The following ALDH18A1 variants were observed in gnomAD, a reference collection of about 807,000 sequenced individuals.
ALDH18A1 encodes delta-1-pyrroline-5-carboxylate synthase.
A neutral mutation model predicts 88.8 loss-of-function variants in ALDH18A1; 44 were observed. That is an observed-to-expected ratio of 0.50 (90% CI 0.39 to 0.64). ALDH18A1 has a LOEUF of 0.64. Ranked by LOEUF, ALDH18A1 falls within the 30% of genes least tolerant of loss-of-function variation. ALDH18A1 has a pLI of 0.00. For synonymous variants in ALDH18A1, 331 were observed against 372.1 expected (o/e 0.89, Z 1.27); for missense variants, 782 against 1,009.5 (o/e 0.77, Z 3.05).
At chr10:95,635,818 G>C (rs1293446260) in intron 5 of ALDH18A1, among the ~76,000 whole-genome samples, 2 of 152,024 alleles carry the variant, frequency 1.3e-5, no homozygotes, top group South Asian at 2.1e-4. Context: ...ACTCTCAAAA[G>C]GTTTCATCCC....
chr10:95,611,193 G>A, intron 16 of ALDH18A1, 63 bp downstream of exon 16: 1 of 1,598,176 alleles, frequency 6.3e-7, no homozygotes, highest in Middle Eastern at 2.1e-4. Flanking sequence ...GGGGGGCTAA[G>A]AGGAGCAGGA....
intron 11 of ALDH18A1, among the ~76,000 whole-genome samples, chr10:95,622,554 T>C (rs2097854422): frequency 6.6e-6 from 1 of 152,118 alleles, no homozygotes; most frequent in Non-Finnish European, 1.5e-5. Flanking sequence ...CTATATTTTT[T>C]TGAGACGGAG....
At chr10:95,642,108 G>A (rs117809118) in intron 3 of ALDH18A1, among the ~76,000 whole-genome samples, 1,530 of 152,334 alleles carry the variant, frequency 0.01, 14 homozygotes, top group Non-Finnish European at 0.017. Flanking sequence ...ACAAGGTAGT[G>A]TAAGATTTCA....
chr10:95,620,704 A>G (rs1188232540), intron 12 of ALDH18A1, among the ~76,000 whole-genome samples: 1 of 151,782 alleles, frequency 6.6e-6, no homozygotes, highest in East Asian at 2.0e-4. Flanking sequence ...AAAACCAAAC[A>G]ATGCATGTTC....
intron 11 of ALDH18A1, among the ~76,000 whole-genome samples, chr10:95,623,943 C>A (rs547580324): frequency 6.6e-6 from 1 of 151,794 alleles, no homozygotes; most frequent in Non-Finnish European, 1.5e-5. Flanking sequence ...TCAGCTGATC[C>A]GCCCACCTTG....
intron 2 of ALDH18A1, among the ~76,000 whole-genome samples, chr10:95,643,909 C>T (rs573189868): frequency 2.0e-3 from 299 of 152,152 alleles, no homozygotes; most frequent in Non-Finnish European, 1.9e-3. Context: ...TCTGGGAGGC[C>T]GAGGCAGAAG....
chr10:95,646,494 T>C (rs945883024), intron 2 of ALDH18A1, among the ~76,000 whole-genome samples: 5 of 152,120 alleles, frequency 3.3e-5, no homozygotes, highest in Admixed American at 3.3e-4. Flanking sequence ...CTCAGTCAAA[T>C]CCAGTAGGTT....
intron 11 of ALDH18A1, among the ~76,000 whole-genome samples, chr10:95,624,976 T>C (rs146730499): frequency 1.3e-5 from 2 of 152,338 alleles, no homozygotes; most frequent in East Asian, 3.9e-4. Context: ...AGAGGCACTA[T>C]GTTATGAAGA....
intron 2 of ALDH18A1, among the ~76,000 whole-genome samples, chr10:95,649,675 A>C (rs946932486): frequency 2.0e-5 from 3 of 152,080 alleles, no homozygotes; most frequent in African/African-American, 7.2e-5. Context: ...TTAAAAAATT[A>C]AATGTGCCAA....
chr10:95,630,526 C>G (rs1311981330), intron 7 of ALDH18A1, among the ~76,000 whole-genome samples: 2 of 152,174 alleles, frequency 1.3e-5, no homozygotes, highest in Non-Finnish European at 2.9e-5. Context: ...GCCTGGCCAA[C>G]ATGGTGAAAC....
chr10:95,640,840 G>A (rs1016175231), intron 3 of ALDH18A1, among the ~76,000 whole-genome samples: 3 of 152,212 alleles, frequency 2.0e-5, no homozygotes, highest in East Asian at 1.9e-4. Context: ...TTTTCCTACC[G>A]TTTTCATCAA....
chr10:95,607,139 CCTT>C (rs1245289862), intron 17 of ALDH18A1, among the ~76,000 whole-genome samples, 196 bp from the exon 18 acceptor site: 4 of 152,196 alleles, frequency 2.6e-5, no homozygotes, highest in African/African-American at 9.7e-5. Flanking sequence ...ATGATACACT[CCTT>C]CTCGTGAAAC....
In ALDH18A1 at chr10:95,621,088, A is replaced by T; in HGVS notation, c.1410T>A (p.Thr470=). ...IAKNLELEQV[T]VPIGVLLVIF... is the part of the protein sequence containing the mutation. ...TCACCAGCAGAACTCCAATTGGGAC[A>T]GTCACTTGTTCCAGTTCCAAGTTTT... is the stretch of plus-strand genomic sequence containing the variant. The change falls in exon 12 of 18, where the codon ACT becomes ACA. Residue 470 remains threonine, a synonymous_variant. Coordinates refer to ENST00000371224, the MANE Select transcript of ALDH18A1 (RefSeq NM_002860.4). 1.2e-6 allele frequency: 2 copies of T among 1,614,204 alleles called. No individual in the cohort carries two copies. The highest frequency in any genetic ancestry group is 1.7e-6 in the Non-Finnish European group (2 of 1,180,040).
intron 12 of ALDH18A1, 39 bp downstream of exon 12, chr10:95,620,992 C>G: frequency 6.3e-7 from 1 of 1,587,550 alleles, no homozygotes; most frequent in African/African-American, 1.3e-5. Context: ...CACCAGCCCC[C>G]AATGGCAGGG....
At chr10:95,627,626 A>G in intron 8 of ALDH18A1, 40 bp from the exon 9 acceptor site, 1 of 1,611,534 alleles carries the variant, frequency 6.2e-7, no homozygotes, top group African/African-American at 1.3e-5. Flanking sequence ...TGAGATTCAG[A>G]CCTATTCACC....
intron 7 of ALDH18A1, among the ~76,000 whole-genome samples, chr10:95,629,356 C>T (rs561413842): frequency 6.6e-6 from 1 of 152,294 alleles, no homozygotes; most frequent in East Asian, 1.9e-4. Context: ...TAATATACCT[C>T]TCCCCTCTAT....
Position 95,637,452 on chromosome 10 carries a change from G to A in ALDH18A1, c.304-16C>T. On this transcript the variant is annotated splice_polypyrimidine_tract_variant and intron_variant, in intron 3 of 17. Transcript: ENST00000371224. ...GCACTGATACCTGGGCATTGAGAAA[G>A]GAAAGGGGACTGTAAGTTACCGTAC... 2 of 1,613,896 alleles carry A rather than the reference G, an allele frequency of 1.2e-6. No homozygotes were observed. The highest frequency in any genetic ancestry group is 2.2e-5 in the South Asian group (2 of 91,084).
chr10:95,639,085 G>T (rs2097886506), intron 3 of ALDH18A1, among the ~76,000 whole-genome samples: 1 of 152,034 alleles, frequency 6.6e-6, no homozygotes, highest in African/African-American at 2.4e-5. Flanking sequence ...ATCACAGAAA[G>T]TTTCAGCTGG....
chr10:95,627,913 A>AT (rs1014960354), intron 8 of ALDH18A1, among the ~76,000 whole-genome samples: 13 of 152,328 alleles, frequency 8.5e-5, no homozygotes, highest in African/African-American at 2.9e-4. Context: ...AACAGGCTGG[A>AT]GTTTGACCAG....
Sources: gnomAD v4.1 joint callset for allele counts (sites outside exome capture counted in the v4.1 genomes callset) on GRCh38, gnomAD v4.1.1 for gene constraint, MANE v1.5 for transcripts, NCBI Gene and HGNC (gene_info 2026-07-23, HGNC 2026-07-21) for gene names.